Variants in LOC728743 observed in about 807,000 individuals in gnomAD.
chr7:150,409,134 T>C, the LOC728743 span, among the ~76,000 whole-genome samples: 1 of 55,930 alleles, frequency 1.8e-5, no homozygotes, highest in South Asian at 1.4e-3. Context: ...TAGAAGGGTG[T>C]TTTCAAGGGA....
At chr7:150,406,229 G>T in the LOC728743 span, among the ~76,000 whole-genome samples, 2 of 152,204 alleles carry the variant, frequency 1.3e-5, no homozygotes, top group Admixed American at 6.5e-5. Flanking sequence ...ACTGAGGCTG[G>T]AAGTGAAGAG....
chr7:150,409,142 GGA>G, the LOC728743 span, among the ~76,000 whole-genome samples: 211 of 136,458 alleles, frequency 1.5e-3, 10 homozygotes, highest in African/African-American at 4.4e-3. Context: ...TGTTTTCAAG[GGA>G]GGGGGGGTCC....
chr7:150,404,810 A>C, the LOC728743 span: 2 of 152,330 alleles, frequency 1.3e-5, no homozygotes, highest in Admixed American at 6.5e-5. Flanking sequence ...ATAGTCAGGC[A>C]GACTTTGGCG....
At chr7:150,401,728 C>T in the LOC728743 span, among the ~76,000 whole-genome samples, 1 of 152,104 alleles carries the variant, frequency 6.6e-6, no homozygotes, top group Non-Finnish European at 1.5e-5. Flanking sequence ...ATGATGACAG[C>T]GCTCTATTTC....
chr7:150,411,940 A>C, the LOC728743 span: 1 of 153,074 alleles, frequency 6.5e-6, no homozygotes, highest in Non-Finnish European at 1.5e-5. Flanking sequence ...CCGGCTTCCC[A>C]AACCACCCAG....
the LOC728743 span, among the ~76,000 whole-genome samples, chr7:150,401,235 T>G: frequency 1.3e-5 from 2 of 150,650 alleles, no homozygotes; most frequent in African/African-American, 2.4e-5. Context: ...GGAAAATGGT[T>G]GTTTTTTGGC....
chr7:150,409,138 CA>C, the LOC728743 span, among the ~76,000 whole-genome samples: 6 of 35,474 alleles, frequency 1.7e-4, no homozygotes, highest in Non-Finnish European at 4.1e-4. Flanking sequence ...AGGGTGTTTT[CA>C]AGGGAGGGGG....
At chr7:150,409,145 G>C in the LOC728743 span, among the ~76,000 whole-genome samples, 16 of 80,402 alleles carry the variant, frequency 2.0e-4, no homozygotes, top group Admixed American at 2.3e-3. Context: ...TTTCAAGGGA[G>C]GGGGGGTCCT....
chr7:150,407,884 C>T, the LOC728743 span: 6 of 422,136 alleles, frequency 1.4e-5, no homozygotes, highest in Non-Finnish European at 2.5e-5. Context: ...GCACGCACAC[C>T]GGGGAGCGGC....
the LOC728743 span, chr7:150,407,855 A>T: frequency 2.3e-6 from 1 of 426,708 alleles, no homozygotes. Context: ...CGTCAAGCAC[A>T]ACCTCGAGGT....
At chr7:150,400,852 T>G in the LOC728743 span, 1 of 152,226 alleles carries the variant, frequency 6.6e-6, no homozygotes, top group African/African-American at 2.4e-5. Context: ...GTTATCCTAG[T>G]GGGTTACAAT....
the LOC728743 span, chr7:150,407,944 G>A: frequency 2.4e-6 from 1 of 410,008 alleles, no homozygotes; most frequent in East Asian, 3.5e-5. Flanking sequence ...AGCAGAACCT[G>A]CTCACGCACC....
the LOC728743 span, chr7:150,405,491 G>A: frequency 1.3e-5 from 2 of 151,114 alleles, no homozygotes; most frequent in Non-Finnish European, 3.0e-5. Flanking sequence ...ATTTATCCAG[G>A]GTTGCGTGGC....
the LOC728743 span, among the ~76,000 whole-genome samples, chr7:150,403,964 A>T: frequency 6.6e-6 from 1 of 152,202 alleles, no homozygotes; most frequent in Non-Finnish European, 1.5e-5. This position sits in a 1 kb window ranked among gnomAD's most constrained non-coding sequence, Gnocchi z 5.1. Flanking sequence ...CCCACCTGGA[A>T]TTCTTCAGTT....
At chr7:150,409,261 A>G in the LOC728743 span, among the ~76,000 whole-genome samples, 1 of 151,878 alleles carries the variant, frequency 6.6e-6, no homozygotes, top group African/African-American at 2.4e-5. Flanking sequence ...GATGAGTGCT[A>G]TGATCTCAGA....
chr7:150,408,301 G>A, the LOC728743 span: 4 of 363,494 alleles, frequency 1.1e-5, no homozygotes, highest in Non-Finnish European at 2.0e-5. Context: ...GCCCTGGGCC[G>A]CAGCTCCCTC....
the LOC728743 span, among the ~76,000 whole-genome samples, chr7:150,402,435 C>T: frequency 6.6e-6 from 1 of 152,144 alleles, no homozygotes; most frequent in African/African-American, 2.4e-5. Context: ...CCTCCAAACC[C>T]TTGGGGGCCA....
the LOC728743 span, chr7:150,407,684 G>A: frequency 7.5e-6 from 3 of 399,242 alleles, no homozygotes; most frequent in Non-Finnish European, 4.4e-6. Flanking sequence ...GGACGAGCGA[G>A]GCCTGGTCAT....
chr7:150,403,856 G>A, the LOC728743 span, among the ~76,000 whole-genome samples: 1 of 152,214 alleles, frequency 6.6e-6, no homozygotes, highest in African/African-American at 2.4e-5. The surrounding 1 kb of genome is among the most constrained non-coding windows in gnomAD (Gnocchi z 5.1). Context: ...GGGGCCTGGT[G>A]GGGCAGACTG....
Sources: allele counts gnomAD v4.1 joint callset (sites outside exome capture counted in the v4.1 genomes callset), GRCh38; gene constraint gnomAD v4.1.1; non-coding constraint Gnocchi (gnomAD v3.1); transcripts MANE v1.5.